The following TBC1D31 variants were observed in gnomAD, a reference collection of about 807,000 sequenced individuals.
TBC1D31 encodes the protein TBC1 domain family member 31, also known as WD repeat domain 67.
TBC1D31 carries 99 observed loss-of-function variants against 132.9 expected under a neutral mutation model. The observed-to-expected ratio is 0.74, with a 90% confidence interval of 0.63 to 0.88. The LOEUF is 0.88. Ranked by LOEUF, TBC1D31 falls within the 40% of genes least tolerant of loss-of-function variation. The pLI is 0.00. For missense variants in TBC1D31, 1,134 were observed against 1,256.6 expected (o/e 0.90, Z 1.48); for synonymous variants, 385 against 419.4 (o/e 0.92, Z 1.00).
At chr8:123,127,254 T>A (rs1820148071) in intron 13 of TBC1D31, among the ~76,000 whole-genome samples, 1 of 145,434 alleles carries the variant, frequency 6.9e-6, no homozygotes, top group Non-Finnish European at 1.5e-5. Flanking sequence ...GGGTTTGTGC[T>A]TTTTGCATTT....
chr8:123,104,578 TC>T (rs1456916302), intron 7 of TBC1D31, among the ~76,000 whole-genome samples: 18 of 152,328 alleles, frequency 1.2e-4, no homozygotes, highest in African/African-American at 4.3e-4. Context: ...TTTGCTCACT[TC>T]CTTTGAAGAA....
intron 20 of TBC1D31, among the ~76,000 whole-genome samples, chr8:123,146,653 T>C (rs1822239836): frequency 6.6e-6 from 1 of 152,172 alleles, no homozygotes; most frequent in Non-Finnish European, 1.5e-5. Flanking sequence ...ATTTGAAGAG[T>C]GAAAATATAG....
chr8:123,113,301 T>C (rs1191846598), intron 10 of TBC1D31, among the ~76,000 whole-genome samples: 1 of 152,216 alleles, frequency 6.6e-6, no homozygotes, highest in Non-Finnish European at 1.5e-5. Flanking sequence ...TTGTTGATGC[T>C]TCTTCCTTAT....
chr8:123,108,086 G>C (rs7823165), intron 8 of TBC1D31, among the ~76,000 whole-genome samples: 333 of 152,156 alleles, frequency 2.2e-3, no homozygotes, highest in African/African-American at 7.9e-3. Flanking sequence ...ATCATCTTAG[G>C]TTTTCCCTTC....
chr8:123,150,668 G>A (rs1424423168), intron 21 of TBC1D31, among the ~76,000 whole-genome samples: 1 of 152,184 alleles, frequency 6.6e-6, no homozygotes, highest in Non-Finnish European at 1.5e-5. Flanking sequence ...TTGATCCCTG[G>A]ACGTGGTTCA....
chr8:123,082,829 T>C lies in TBC1D31; in HGVS notation c.340+12T>C. On this transcript the variant is annotated intron_variant, in intron 3 of 21. Coordinates refer to ENST00000287380, the MANE Select transcript of TBC1D31 (RefSeq NM_145647.4). ...ATGTTTTGATACAGGTAAGAAGTTC[T>C]CCTATTTTTCTTTTGAAGCAGAGTA... 1 of 1,561,470 alleles carries C rather than the reference T, an allele frequency of 6.4e-7. No homozygotes were observed. Among genetic ancestry groups the C allele is most frequent in the Non-Finnish European group, 8.8e-7 (1 of 1,135,448 alleles).
chr8:123,128,681 C>T (rs1318216865), intron 14 of TBC1D31, among the ~76,000 whole-genome samples, 168 bp downstream of exon 14: 1 of 151,786 alleles, frequency 6.6e-6, no homozygotes, highest in Non-Finnish European at 1.5e-5. Flanking sequence ...TCGAGACCAG[C>T]CTGGCCAACA....
Position 123,144,830 on chromosome 8 carries a change from ACAT to A in TBC1D31, c.2950_2952del (p.His984del), listed in dbSNP as rs1822034797. 6.2e-7 allele frequency: 1 copy of A among 1,612,962 alleles called. No individual in the cohort carries two copies. The highest frequency in any genetic ancestry group is 1.3e-5 in the African/African-American group (1 of 74,878). On this transcript the variant is annotated inframe_deletion, in exon 20 of 22. Coordinates refer to ENST00000287380, the MANE Select transcript of TBC1D31 (RefSeq NM_145647.4). ...AGCAAGAGATAAATGCGGCTGTAGAACATGCTGAAAATCCATGTCATAAAGGTG... is the reference window on the plus strand; with the variant it reads ...AGCAAGAGATAAATGCGGCTGTAGAAGCTGAAAATCCATGTCATAAAGGTG...
downstream of TBC1D31, among the ~76,000 whole-genome samples, chr8:123,152,987 T>C (rs1822892862): frequency 6.6e-6 from 1 of 152,158 alleles, no homozygotes; most frequent in Admixed American, 6.5e-5. Context: ...AATCTTATGG[T>C]TTATCAAATA....
intron 17 of TBC1D31, among the ~76,000 whole-genome samples, chr8:123,137,197 A>G (rs1439274614): frequency 6.6e-6 from 1 of 152,150 alleles, no homozygotes; most frequent in African/African-American, 2.4e-5. Flanking sequence ...TCCCCTCATA[A>G]TCTTCTAGGA....
intron 5 of TBC1D31, among the ~76,000 whole-genome samples, chr8:123,094,266 G>A (rs1055454801): frequency 6.6e-6 from 1 of 151,960 alleles, no homozygotes; most frequent in African/African-American, 2.4e-5. Flanking sequence ...GTTTCACCAT[G>A]TTGGTCAGGC....
At chr8:123,135,785 C>T (rs1187948320) in intron 17 of TBC1D31, among the ~76,000 whole-genome samples, 1 of 152,184 alleles carries the variant, frequency 6.6e-6, no homozygotes, top group East Asian at 1.9e-4. Context: ...TTGGCTGAGT[C>T]TCCCATGATT....
intron 7 of TBC1D31, chr8:123,103,866 T>A (rs945393297): frequency 4.6e-5 from 7 of 152,264 alleles, no homozygotes; most frequent in African/African-American, 1.4e-4. Context: ...GAATGATCTT[T>A]TTTATTTTTT....
intron 4 of TBC1D31, among the ~76,000 whole-genome samples, chr8:123,089,268 G>A (rs187096895): frequency 6.3e-4 from 96 of 152,250 alleles, no homozygotes; most frequent in Non-Finnish European, 1.1e-3. Context: ...ATACTCAGCC[G>A]TAGCACCTCC....
intron 19 of TBC1D31, among the ~76,000 whole-genome samples, chr8:123,142,740 C>T (rs541711606): frequency 5.3e-5 from 8 of 152,022 alleles, no homozygotes; most frequent in Non-Finnish European, 1.0e-4. Flanking sequence ...TTGTCAGAGA[C>T]GTCGTCTAAT....
chr8:123,108,591 G>A (rs777263930), intron 8 of TBC1D31, among the ~76,000 whole-genome samples: 1 of 152,108 alleles, frequency 6.6e-6, no homozygotes, highest in Admixed American at 6.5e-5. Flanking sequence ...GGCTATTCAA[G>A]CTAAGAATGG....
chr8:123,138,744 C>G (rs1194759844), intron 17 of TBC1D31, among the ~76,000 whole-genome samples: 1 of 152,000 alleles, frequency 6.6e-6, no homozygotes, highest in Non-Finnish European at 1.5e-5. Context: ...GTTTATTGGC[C>G]ATTTTGTATT....
At chr8:123,092,924 G>A (rs1816483714) in intron 4 of TBC1D31, among the ~76,000 whole-genome samples, 1 of 149,456 alleles carries the variant, frequency 6.7e-6, no homozygotes, top group African/African-American at 2.5e-5. Flanking sequence ...CAATTCTCCT[G>A]TCTCAGCCTC....
chr8:123,163,039 C>T, the TBC1D31 span, among the ~76,000 whole-genome samples: 5 of 152,172 alleles, frequency 3.3e-5, no homozygotes, highest in East Asian at 3.9e-4. Context: ...CCATGTTAGG[C>T]GGCTCTCGAA....
Sources: allele counts gnomAD v4.1 joint callset (sites outside exome capture counted in the v4.1 genomes callset), GRCh38; gene constraint gnomAD v4.1.1; transcripts MANE v1.5; gene names NCBI Gene and HGNC (gene_info 2026-07-23, HGNC 2026-07-21).